The following DGKB variants were observed in gnomAD, a reference collection of about 807,000 sequenced individuals.
The protein encoded by DGKB is diacylglycerol kinase beta.
A neutral mutation model predicts 114.3 loss-of-function variants in DGKB; 67 were observed. That is an observed-to-expected ratio of 0.59 (90% CI 0.48 to 0.72). The LOEUF (loss-of-function observed/expected upper bound fraction) is 0.72. Among genes scored for constraint, DGKB ranks in the 30% least tolerant of loss-of-function variants. DGKB has a pLI of 0.00. For missense variants in DGKB, 907 were observed against 975.2 expected (o/e 0.93, Z 0.93); for synonymous variants, 398 against 323.1 (o/e 1.23, Z -2.49).
At chr7:14,630,457 T>C (rs1809477137) in intron 13 of DGKB, among the ~76,000 whole-genome samples, 189 bp from the exon 14 acceptor site, 1 of 152,116 alleles carries the variant, frequency 6.6e-6, no homozygotes. Context: ...AGAAATTATC[T>C]AACACAGAGT....
intron 4 of DGKB, among the ~76,000 whole-genome samples, chr7:14,739,018 A>G (rs1369997105): frequency 6.6e-6 from 1 of 152,212 alleles, no homozygotes; most frequent in East Asian, 1.9e-4. Context: ...CTTTTGAAGG[A>G]AAAATATGCC....
At chr7:14,564,852 C>A (rs1797163359) in intron 20 of DGKB, among the ~76,000 whole-genome samples, 2 of 152,014 alleles carry the variant, frequency 1.3e-5, no homozygotes, top group African/African-American at 4.8e-5. Flanking sequence ...ATGCCATCTT[C>A]TTCTAGTAGA....
intron 1 of DGKB, among the ~76,000 whole-genome samples, chr7:14,934,210 T>C (rs1785169200): frequency 6.6e-6 from 1 of 152,168 alleles, no homozygotes; most frequent in South Asian, 2.1e-4. Context: ...AGAGAAATAA[T>C]TTGAATTATG....
At chr7:14,152,892 T>C (rs1162488753) in intron 25 of DGKB, among the ~76,000 whole-genome samples, 2 of 152,074 alleles carry the variant, frequency 1.3e-5, no homozygotes, top group East Asian at 3.9e-4. Context: ...GCTGAGCATT[T>C]TGCTAAGTGT....
At chr7:14,366,925 C>T (rs1205620016) in intron 21 of DGKB, among the ~76,000 whole-genome samples, 1 of 152,052 alleles carries the variant, frequency 6.6e-6, no homozygotes, top group East Asian at 1.9e-4. Context: ...GCGTTATAGC[C>T]TGTAGTGTAA....
At chr7:14,513,575 T>C (rs1788306598) in intron 20 of DGKB, among the ~76,000 whole-genome samples, 2 of 152,056 alleles carry the variant, frequency 1.3e-5, no homozygotes, top group Non-Finnish European at 2.9e-5. Flanking sequence ...AATGATTTTA[T>C]TAAAACAAAA....
rs544500130 is a variant in DGKB, at chr7:14,339,920, G to A, written c.1927-1210C>T. On this transcript the variant is annotated intron_variant, in intron 22 of 25. Coordinates refer to ENST00000402815, the MANE Select transcript of DGKB (RefSeq NM_001350709.2). The stretch of plus-strand genomic sequence containing the variant: ...ATGATTTTTGAACTCAGAAGACACA[G>A]TGTTCCATGAAAATGATGAAAAACA... Among the ~76,000 whole-genome samples, 11 of 151,844 alleles carry A rather than the reference G, an allele frequency of 7.2e-5. No individual in the cohort carries two copies. In the South Asian group the frequency reaches 2.1e-3, roughly 29 times the overall value.
At chr7:14,701,103 T>C (rs1025355896) in intron 7 of DGKB, among the ~76,000 whole-genome samples, 2 of 121,780 alleles carry the variant, frequency 1.6e-5, no homozygotes, top group Admixed American at 9.3e-5. Flanking sequence ...ATAAAGATGG[T>C]ATTTTCTTAT....
chr7:14,365,147 T>C (rs553809951), intron 21 of DGKB, among the ~76,000 whole-genome samples: 124 of 151,986 alleles, frequency 8.2e-4, no homozygotes, highest in African/African-American at 2.7e-3. Context: ...CAGTGGTTTG[T>C]CCTTATAAGT....
chr7:14,781,614 T>C (rs1487782095), intron 2 of DGKB, among the ~76,000 whole-genome samples: 1 of 152,200 alleles, frequency 6.6e-6, no homozygotes, highest in Non-Finnish European at 1.5e-5. Context: ...TACTTTGCAG[T>C]TGTAATAGAA....
intron 20 of DGKB, among the ~76,000 whole-genome samples, chr7:14,549,004 G>A (rs1794721371): frequency 6.6e-6 from 1 of 151,614 alleles, no homozygotes; most frequent in Non-Finnish European, 1.5e-5. Flanking sequence ...AAATAACCCA[G>A]GGCAATGCAG....
rs1178434198 is a variant in DGKB, at chr7:14,574,392, C to G, written c.1610-20G>C. 1.3e-6 allele frequency: 2 copies of G among 1,594,436 alleles called. No individual in the cohort carries two copies. The highest frequency in any genetic ancestry group is 8.5e-7 in the Non-Finnish European group (1 of 1,172,072). ...CGTAACCTAGTGGGAAAAAAAAATA[C>G]CTTGAGAAAAGAACTCTAACCAAAT... On this transcript the variant is annotated intron_variant, in intron 19 of 25. Coordinates refer to ENST00000402815, the MANE Select transcript of DGKB (RefSeq NM_001350709.2).
At chr7:14,211,027 A>G (rs10266478) in intron 23 of DGKB, among the ~76,000 whole-genome samples, 18,706 of 151,952 alleles carry the variant, frequency 0.12, 2,769 homozygotes, top group African/African-American at 0.35. Flanking sequence ...TACAGCTATC[A>G]CCTTCCCCAG....
chr7:14,166,628 C>T (rs1051501373), intron 25 of DGKB, among the ~76,000 whole-genome samples: 1 of 152,116 alleles, frequency 6.6e-6, no homozygotes, highest in South Asian at 2.1e-4. Flanking sequence ...GCACTATAAA[C>T]CCTGGGCAGA....
intron 25 of DGKB, among the ~76,000 whole-genome samples, chr7:14,173,332 G>A (rs2128239737): frequency 6.6e-6 from 1 of 151,882 alleles, no homozygotes; most frequent in Admixed American, 6.6e-5. Context: ...TTTTTATTGT[G>A]GTAAAATATA....
intron 23 of DGKB, among the ~76,000 whole-genome samples, chr7:14,195,468 G>T (rs964646215): frequency 1.3e-5 from 2 of 152,094 alleles, no homozygotes; most frequent in Non-Finnish European, 2.9e-5. Context: ...TTCCAGCAAT[G>T]AAAAGCAATA....
intron 23 of DGKB, among the ~76,000 whole-genome samples, chr7:14,218,933 A>C (rs887373031): frequency 2.6e-5 from 4 of 151,842 alleles, no homozygotes; most frequent in African/African-American, 9.7e-5. Flanking sequence ...TCTCACCCTC[A>C]GTCCACTATT....
At chr7:14,448,892 T>C (rs1831081696) in intron 21 of DGKB, among the ~76,000 whole-genome samples, 1 of 152,044 alleles carries the variant, frequency 6.6e-6, no homozygotes, top group East Asian at 1.9e-4. Context: ...AATATGGGTG[T>C]GTTCAAAGAA....
intron 25 of DGKB, among the ~76,000 whole-genome samples, chr7:14,159,014 C>T (rs1051731356): frequency 6.6e-6 from 1 of 152,082 alleles, no homozygotes; most frequent in African/African-American, 2.4e-5. Context: ...ATTACCTCTC[C>T]CGCCAATTAA....
Sources: allele counts gnomAD v4.1 joint callset (sites outside exome capture counted in the v4.1 genomes callset), GRCh38; gene constraint gnomAD v4.1.1; transcripts MANE v1.5; gene names NCBI Gene and HGNC (gene_info 2026-07-23, HGNC 2026-07-21).